RNF32: variants seen among roughly 807,000 people sequenced by gnomAD.
The protein encoded by RNF32 is ring finger protein 32.
A neutral mutation model predicts 41.0 loss-of-function variants in RNF32; 36 were observed. The observed-to-expected ratio is 0.88, with a 90% CI of 0.67 to 1.16. The LOEUF (loss-of-function observed/expected upper bound fraction) is 1.16. Ranked by LOEUF, RNF32 falls within the 50% of genes most tolerant of loss-of-function variation. RNF32 has a pLI of 0.00. For missense variants in RNF32, 413 were observed against 436.7 expected, an observed-to-expected ratio of 0.95 and a Z score of 0.48; for synonymous variants, 154 against 160.9, an observed-to-expected ratio of 0.96 and a Z score of 0.32.
chr7:156,671,896 C>T lies in RNF32; in HGVS notation c.685-3800C>T, dbSNP rs118016827. On this transcript the variant is annotated intron_variant, in intron 7 of 8. Transcript: ENST00000317955. ...TTTGAAAATAAACGGTTCTAAATAA[C>T]GTATTAATCGAAGACAAAATTATAA... Among the ~76,000 whole-genome samples, 604 of 152,052 alleles carry T rather than the reference C, an allele frequency of 4.0e-3. 1 individual carries two copies. Among genetic ancestry groups the T allele is most frequent in the Non-Finnish European group, 7.2e-3 (491 of 68,014 alleles).
intron 3 of RNF32, among the ~76,000 whole-genome samples, chr7:156,647,142 A>G (rs1461215323): frequency 6.6e-6 from 1 of 151,734 alleles, no homozygotes; most frequent in Non-Finnish European, 1.5e-5. Flanking sequence ...GTGAGTCACC[A>G]TGCCTGGCCT....
At position 156,675,785 on chromosome 7, in the gene RNF32, T is replaced by C; in HGVS notation, c.774T>C (p.Asn258=). ...AAATCGATCAGTGCTTGGCCATAAATCGAAGTGTTCTTCAGCAGTTGGAAG... is the reference window on the plus strand; with the variant it reads ...AAATCGATCAGTGCTTGGCCATAAACCGAAGTGTTCTTCAGCAGTTGGAAG... ...FAEIDQCLAI[N]RSVLQQLEEK... is the part of the protein sequence containing the mutation. Residue 258 remains asparagine, a synonymous_variant, in exon 8 of 9, where the codon AAT becomes AAC. Transcript: ENST00000317955. 1 of 1,613,928 alleles carries C rather than the reference T, an allele frequency of 6.2e-7. No individual in the cohort carries two copies. The highest frequency in any genetic ancestry group is 8.5e-7 in the Non-Finnish European group (1 of 1,179,954).
intron 3 of RNF32, among the ~76,000 whole-genome samples, chr7:156,650,124 G>A (rs1798523523): frequency 6.6e-6 from 1 of 152,194 alleles, no homozygotes; most frequent in South Asian, 2.1e-4. Flanking sequence ...AAAGCTTAAT[G>A]GTGTGTGTCA....
Position 156,676,944 on chromosome 7 carries a change from T to A in RNF32, c.*289T>A. 2.9e-6 allele frequency: 1 copy of A among 349,820 alleles called. No homozygotes were observed. 21.7% of individuals were successfully genotyped at this position (349,820 alleles called of 1,614,324 possible). The stretch of plus-strand genomic sequence containing the variant: ...CTAAAAATTGAGGTTAAGATATAGC[T>A]AGTGTCTGAACGACACTCCTTAAAG... On this transcript the variant is annotated 3_prime_UTR_variant, in exon 9 of 9. Coordinates refer to ENST00000317955, the MANE Select transcript of RNF32 (RefSeq NM_030936.4).
chr7:156,666,655 AGTC>A (rs1447723544), intron 7 of RNF32, among the ~76,000 whole-genome samples: 1 of 152,240 alleles, frequency 6.6e-6, no homozygotes, highest in Non-Finnish European at 1.5e-5. Context: ...ATGATACAGT[AGTC>A]CTCGAACACT....
intron 7 of RNF32, among the ~76,000 whole-genome samples, chr7:156,667,058 CT>C (rs1801438377): frequency 6.6e-6 from 1 of 152,134 alleles, no homozygotes; most frequent in African/African-American, 2.4e-5. Flanking sequence ...GCATAATGGT[CT>C]TAAAGTTTGC....
intron 3 of RNF32, among the ~76,000 whole-genome samples, chr7:156,651,806 A>G (rs2131411703): frequency 6.6e-6 from 1 of 152,292 alleles, no homozygotes; most frequent in Middle Eastern, 3.4e-3. Context: ...TCACTGATTC[A>G]TCCCTAAAAT....
At chr7:156,675,431 T>G (rs1178589708) in intron 7 of RNF32, among the ~76,000 whole-genome samples, 1 of 152,188 alleles carries the variant, frequency 6.6e-6, no homozygotes, top group Non-Finnish European at 1.5e-5. Flanking sequence ...GAATGTTTTT[T>G]CCTTAAAATA....
At chr7:156,673,164 A>T (rs1299914865) in intron 7 of RNF32, among the ~76,000 whole-genome samples, 1 of 152,210 alleles carries the variant, frequency 6.6e-6, no homozygotes, top group Non-Finnish European at 1.5e-5. Context: ...CTCAGAACAT[A>T]CCTCACAAGT....
chr7:156,671,164 T>C (rs1417492202), intron 7 of RNF32, among the ~76,000 whole-genome samples: 3 of 152,178 alleles, frequency 2.0e-5, no homozygotes, highest in Admixed American at 6.5e-5. Flanking sequence ...AAAACTTTAA[T>C]TGAAAAGAGC....
At chr7:156,645,759 A>G (rs1304707148) in intron 3 of RNF32, among the ~76,000 whole-genome samples, 2 of 152,244 alleles carry the variant, frequency 1.3e-5, no homozygotes, top group Non-Finnish European at 2.9e-5. Flanking sequence ...GCAAGTGTGA[A>G]TATGTATTTA....
In RNF32 at chr7:156,675,684, C is replaced by G. The variant is rs2886381; in HGVS notation, c.685-12C>G. On this transcript the variant is annotated splice_polypyrimidine_tract_variant and intron_variant, in intron 7 of 8. Coordinates refer to ENST00000317955, the MANE Select transcript of RNF32 (RefSeq NM_030936.4). Reference sequence around the variant, plus strand: ...TCAGGTGTGAGCTTACCCGCCCCCGCCTCCTCCTCAGTTCACAGAAATCAG... The same window carrying G: ...TCAGGTGTGAGCTTACCCGCCCCCGGCTCCTCCTCAGTTCACAGAAATCAG... The G allele has an allele frequency of 2.5e-6, 4 of 1,599,798 alleles. No homozygotes were observed. The highest frequency in any genetic ancestry group is 3.3e-5 in the Admixed American group (2 of 59,854).
At chr7:156,645,504 G>T (rs1797862901) in intron 3 of RNF32, among the ~76,000 whole-genome samples, 1 of 152,196 alleles carries the variant, frequency 6.6e-6, no homozygotes, top group South Asian at 2.1e-4. Flanking sequence ...AGCAAATGAA[G>T]ACCTAGCAAC....
At chr7:156,658,911 G>A in intron 7 of RNF32, 1 of 1,547,176 alleles carries the variant, frequency 6.5e-7, no homozygotes, top group Non-Finnish European at 8.7e-7. Flanking sequence ...TGGGCTATAT[G>A]TAAATGAAGA....
chr7:156,673,143 C>T (rs1802959897), intron 7 of RNF32, among the ~76,000 whole-genome samples: 1 of 152,178 alleles, frequency 6.6e-6, no homozygotes, highest in Non-Finnish European at 1.5e-5. Flanking sequence ...ACTTTTATGT[C>T]CAAAACTAAT....
intron 7 of RNF32, among the ~76,000 whole-genome samples, chr7:156,671,300 T>C (rs1802446890): frequency 6.6e-6 from 1 of 152,198 alleles, no homozygotes; most frequent in Non-Finnish European, 1.5e-5. Flanking sequence ...TATGTGTTAC[T>C]CAGAAGAGAT....
At chr7:156,653,752 A>G (rs1478341751) in intron 3 of RNF32, among the ~76,000 whole-genome samples, 1 of 152,228 alleles carries the variant, frequency 6.6e-6, no homozygotes, top group East Asian at 1.9e-4. Context: ...GAGACAGCAC[A>G]TGGTGGGTAC....
Position 156,657,593 on chromosome 7 carries a change from C to T in RNF32, c.450+20C>T, listed in dbSNP as rs183625127. The T allele has an allele frequency of 2.7e-5, 43 of 1,613,076 alleles. No individual in the cohort carries two copies. In the Admixed American group the frequency reaches 3.7e-4, roughly 14 times the overall value. On this transcript the variant is annotated intron_variant, in intron 5 of 8. Coordinates refer to ENST00000317955, the MANE Select transcript of RNF32 (RefSeq NM_030936.4). The stretch of plus-strand genomic sequence containing the variant: ...CACAAAGTAAGTCCACCCCTCACGC[C>T]TGCCCAGGTGCTGCACATGTCGCTC...
chr7:156,660,897 T>C (rs993110118), intron 7 of RNF32, among the ~76,000 whole-genome samples: 1 of 152,238 alleles, frequency 6.6e-6, no homozygotes, highest in Non-Finnish European at 1.5e-5. Flanking sequence ...ATGGAAGTTA[T>C]ACATTGGTTT....
Sources: allele counts gnomAD v4.1 joint callset (sites outside exome capture counted in the v4.1 genomes callset), GRCh38; gene constraint gnomAD v4.1.1; transcripts MANE v1.5; gene names NCBI Gene and HGNC (gene_info 2026-07-23, HGNC 2026-07-21).